Variants in DOCK9 observed in about 807,000 individuals in gnomAD.
DOCK9 encodes the protein dedicator of cytokinesis 9, also known as dedicator of cytokinesis protein 9.
Under a neutral mutation model 263.3 loss-of-function variants are expected in DOCK9, and 89 were observed. That is an observed-to-expected ratio of 0.34 (90% CI 0.28 to 0.40). The LOEUF is 0.40. Ranked by LOEUF, DOCK9 falls within the 10% of genes least tolerant of loss-of-function variation. The pLI is 1.00. For synonymous variants in DOCK9, 976 were observed against 973.1 expected (o/e 1.00, Z -0.06); for missense variants, 2,140 against 2,603.4 (o/e 0.82, Z 3.87).
At chr13:98,935,207 T>C (rs766225419) in intron 2 of DOCK9, among the ~76,000 whole-genome samples, 9 of 151,934 alleles carry the variant, frequency 5.9e-5, no homozygotes, top group African/African-American at 9.7e-5. Flanking sequence ...AAGAGAAACA[T>C]GGAGATAAAC....
intron 9 of DOCK9, 109 bp from the exon 10 acceptor site, chr13:98,904,815 C>T: frequency 1.1e-6 from 1 of 932,354 alleles, no homozygotes; most frequent in South Asian, 1.7e-5. Context: ...TGCTGGAAAG[C>T]TCTGCCTCGT....
chr13:99,074,848 T>C (rs1395057467), intron 1 of DOCK9, among the ~76,000 whole-genome samples: 2 of 152,220 alleles, frequency 1.3e-5, no homozygotes, highest in African/African-American at 4.8e-5. Flanking sequence ...TTCTTCTTTT[T>C]GGGTCAGCAC....
intron 2 of DOCK9, among the ~76,000 whole-genome samples, chr13:98,947,506 A>ATTTTTTTTTT (rs35004750): frequency 1.6e-5 from 2 of 123,798 alleles, no homozygotes; most frequent in Non-Finnish European, 3.2e-5. Flanking sequence ...TCTATTCAGA[A>ATTTTTTTTTT]TTTTTTTTTT....
intron 18 of DOCK9, among the ~76,000 whole-genome samples, chr13:98,887,141 A>ATTTTTTTTTTTTTTTTTTT (rs1335567169): frequency 3.4e-5 from 2 of 59,640 alleles, no homozygotes; most frequent in Non-Finnish European, 5.9e-5. Context: ...ATATATATAT[A>ATTTTTTTTTTTTTTTTTTT]TATTTTTTTT....
chr13:98,969,325 C>T (rs2059495936), intron 1 of DOCK9, among the ~76,000 whole-genome samples: 2 of 152,146 alleles, frequency 1.3e-5, no homozygotes, highest in Admixed American at 1.3e-4. Context: ...GATGGCTAAA[C>T]CTTTGCAGGT....
intron 15 of DOCK9, among the ~76,000 whole-genome samples, chr13:98,894,493 T>C (rs761330901): frequency 4.6e-5 from 7 of 152,186 alleles, no homozygotes; most frequent in Non-Finnish European, 1.0e-4. Context: ...TCAAAAAATA[T>C]AGTAATACAG....
chr13:98,966,821 T>C (rs558085220), intron 1 of DOCK9, among the ~76,000 whole-genome samples: 1 of 152,334 alleles, frequency 6.6e-6, no homozygotes, highest in South Asian at 2.1e-4. Flanking sequence ...GTCCCAAAAA[T>C]GTGAACTACT....
rs779685456 is a variant in DOCK9 at position 98,809,442 on chromosome 13, C to T, written c.5277G>A (p.Thr1759=). 3.1e-6 allele frequency: 5 copies of T among 1,608,618 alleles called. No individual in the cohort carries two copies. Among genetic ancestry groups the T allele is most frequent in the Non-Finnish European group, 4.2e-6 (5 of 1,178,230 alleles). Reference sequence around the variant, plus strand: ...TCACTTTGCTGTAGGCCCGGTGCAGCGTGTCATACAGATGGGCCAGCCTCT... The same window carrying T: ...TCACTTTGCTGTAGGCCCGGTGCAGTGTGTCATACAGATGGGCCAGCCTCT... The part of the protein sequence containing the change: ...DFERLAHLYD[T]LHRAYSKVTE... The change falls in exon 47 of 53, where the codon ACG becomes ACA. Residue 1759 remains threonine (T), a synonymous_variant. Coordinates refer to ENST00000682017, the MANE Select transcript of DOCK9 (RefSeq NM_001366683.2).
chr13:98,919,774 G>A (rs1205798554), intron 7 of DOCK9, among the ~76,000 whole-genome samples: 3 of 152,230 alleles, frequency 2.0e-5, no homozygotes, highest in Admixed American at 6.5e-5. Flanking sequence ...TGTGAATTGC[G>A]TGACTAAACA....
chr13:99,075,752 C>T (rs139398532), intron 1 of DOCK9, among the ~76,000 whole-genome samples: 293 of 151,714 alleles, frequency 1.9e-3, no homozygotes, highest in African/African-American at 6.5e-3. Context: ...TATGACTGAA[C>T]ATCTACTTTG....
At chr13:98,986,020 G>A (rs546010942) in intron 1 of DOCK9, among the ~76,000 whole-genome samples, 3 of 152,318 alleles carry the variant, frequency 2.0e-5, no homozygotes, top group African/African-American at 7.2e-5. Flanking sequence ...TGTATTCTTC[G>A]TGAAAAACAT....
intron 1 of DOCK9, among the ~76,000 whole-genome samples, chr13:99,008,379 GCC>G (rs1200754118): frequency 4.0e-5 from 6 of 151,662 alleles, no homozygotes; most frequent in Admixed American, 2.0e-4. Flanking sequence ...GATTATAGGT[GCC>G]TGCCACCACA....
intron 1 of DOCK9, among the ~76,000 whole-genome samples, chr13:99,032,841 T>TTC (rs1161364536): frequency 6.6e-6 from 1 of 152,198 alleles, no homozygotes; most frequent in Non-Finnish European, 1.5e-5. Context: ...GTGAAAGTCT[T>TTC]TAATTTAGCA....
At chr13:98,880,000 A>G in intron 26 of DOCK9, 31 bp from the exon 27 acceptor site, 1 of 1,516,054 alleles carries the variant, frequency 6.6e-7, no homozygotes, top group Non-Finnish European at 9.0e-7. Flanking sequence ...ACCCAGTAAG[A>G]ACACAACAAA....
intron 39 of DOCK9, among the ~76,000 whole-genome samples, chr13:98,834,150 T>C (rs1222590289): frequency 6.6e-6 from 1 of 152,208 alleles, no homozygotes; most frequent in East Asian, 1.9e-4. Context: ...TCTCTTATGG[T>C]GCTTAATCCA....
chr13:98,795,745 C>T (rs1485916797), intron 52 of DOCK9, among the ~76,000 whole-genome samples: 1 of 141,058 alleles, frequency 7.1e-6, no homozygotes, highest in Admixed American at 7.6e-5. Context: ...TTTCTCTAAT[C>T]GTTTCAATTT....
Position 98,863,433 on chromosome 13 carries a change from G to T in DOCK9, c.3402C>A (p.Ile1134=), listed in dbSNP as rs201631225. ...ALQEFREVRL[I]AISVLKNLLI... ...GCAGGTTCTTGAGCACACTGATGGCGATCAGACGGACCTCCCGGAACTCCT... is the reference window on the plus strand; with the variant it reads ...GCAGGTTCTTGAGCACACTGATGGCTATCAGACGGACCTCCCGGAACTCCT... The change falls in exon 31 of 53, where the codon ATC becomes ATA. Residue 1134 remains isoleucine, a synonymous_variant. Coordinates refer to ENST00000682017, the MANE Select transcript of DOCK9 (RefSeq NM_001366683.2). 5 of 1,613,840 alleles carry T rather than the reference G, an allele frequency of 3.1e-6. No homozygotes were observed. The highest frequency in any genetic ancestry group is 1.1e-5 in the South Asian group (1 of 91,062).
At chr13:98,994,340 G>A (rs1273668620) in intron 1 of DOCK9, among the ~76,000 whole-genome samples, 3 of 152,174 alleles carry the variant, frequency 2.0e-5, no homozygotes, top group Non-Finnish European at 4.4e-5. Context: ...GGCACTATCT[G>A]GAAGCATTTT....
At chr13:98,820,682 CA>C in intron 45 of DOCK9, 1 of 432,450 alleles carries the variant, frequency 2.3e-6, no homozygotes. Context: ...CTGTATTTTG[CA>C]AAAATCGATA....
Sources: allele counts gnomAD v4.1 joint callset (sites outside exome capture counted in the v4.1 genomes callset), GRCh38; gene constraint gnomAD v4.1.1; transcripts MANE v1.5; gene names NCBI Gene and HGNC (gene_info 2026-07-23, HGNC 2026-07-21).